Variants in DLGAP1 observed in about 807,000 individuals in gnomAD.
DLGAP1 encodes the protein disks large-associated protein 1.
In DLGAP1, 11 loss-of-function variants were observed where a neutral mutation model predicts 90.8. That is an observed-to-expected ratio of 0.12 (90% CI 0.08 to 0.20). DLGAP1 has a LOEUF of 0.20. DLGAP1 is among the 10% of genes least tolerant of loss of function. The pLI is 1.00. For missense variants in DLGAP1, 1,050 were observed against 1,333.8 expected (o/e 0.79, Z 3.31); for synonymous variants, 558 against 540.7 (o/e 1.03, Z -0.44).
chr18:4,392,690 T>C (rs1263378332), intron 1 of DLGAP1, among the ~76,000 whole-genome samples: 2 of 152,158 alleles, frequency 1.3e-5, no homozygotes, highest in African/African-American at 4.8e-5. Flanking sequence ...TGTAGGCCCA[T>C]GGATTTAAAC....
intron 7 of DLGAP1, among the ~76,000 whole-genome samples, chr18:3,726,116 A>G (rs1391571561): frequency 3.3e-5 from 5 of 152,236 alleles, no homozygotes; most frequent in African/African-American, 1.2e-4. Context: ...GGGTAAGTTT[A>G]GGAAAAACAA....
intron 7 of DLGAP1, among the ~76,000 whole-genome samples, chr18:3,593,563 G>GA (rs2056400568): frequency 1.3e-5 from 2 of 152,088 alleles, no homozygotes; most frequent in Non-Finnish European, 2.9e-5. Context: ...TTCTAAAGTA[G>GA]AAAAAAATAT....
chr18:3,524,773 A>G (rs541803068), intron 10 of DLGAP1, among the ~76,000 whole-genome samples: 68 of 152,290 alleles, frequency 4.5e-4, no homozygotes, highest in African/African-American at 1.6e-3. Context: ...GTGTGATTTC[A>G]TGGCATTGGG....
At chr18:3,995,779 T>C (rs934880554) in intron 3 of DLGAP1, 3 of 151,912 alleles carry the variant, frequency 2.0e-5, no homozygotes, top group African/African-American at 4.8e-5. Flanking sequence ...TTCATCAGTG[T>C]TTTGCTATAG....
At chr18:3,865,573 A>ATT (rs2070332913) in intron 4 of DLGAP1, among the ~76,000 whole-genome samples, 1 of 152,196 alleles carries the variant, frequency 6.6e-6, no homozygotes, top group African/African-American at 2.4e-5. Flanking sequence ...AATTGTTATT[A>ATT]AAAGAAATTC....
At chr18:4,110,393 T>C (rs117628293) in intron 2 of DLGAP1, among the ~76,000 whole-genome samples, 1,860 of 152,344 alleles carry the variant, frequency 0.012, 18 homozygotes, top group Non-Finnish European at 0.017. Flanking sequence ...GTCTATATCC[T>C]TGGTAATATG....
chr18:4,029,935 C>T (rs2074766336), intron 2 of DLGAP1, among the ~76,000 whole-genome samples: 1 of 152,160 alleles, frequency 6.6e-6, no homozygotes, highest in Admixed American at 6.5e-5. Flanking sequence ...CATTGATCAC[C>T]TTCTCACATT....
chr18:4,312,579 G>A (rs1271689109), intron 1 of DLGAP1, among the ~76,000 whole-genome samples: 1 of 152,128 alleles, frequency 6.6e-6, no homozygotes, highest in East Asian at 1.9e-4. Flanking sequence ...GGTTTACTGG[G>A]ATGTGATCCC....
At chr18:3,824,531 T>C (rs1361782539) in intron 4 of DLGAP1, among the ~76,000 whole-genome samples, 1 of 152,186 alleles carries the variant, frequency 6.6e-6, no homozygotes, top group Non-Finnish European at 1.5e-5. Context: ...ATCTCAAGTA[T>C]TAATACTTAA....
At chr18:4,439,920 C>T (rs976035125) in intron 1 of DLGAP1, among the ~76,000 whole-genome samples, 23 of 151,798 alleles carry the variant, frequency 1.5e-4, no homozygotes, top group Non-Finnish European at 5.9e-5. Flanking sequence ...AGATCGAGAC[C>T]ATCCTGGCTA....
chr18:4,244,125 C>T (rs538721383), intron 1 of DLGAP1, among the ~76,000 whole-genome samples: 1 of 152,128 alleles, frequency 6.6e-6, no homozygotes, highest in African/African-American at 2.4e-5. Context: ...TTATCTAATA[C>T]ATAGTCCATT....
intron 5 of DLGAP1, among the ~76,000 whole-genome samples, chr18:3,798,570 G>A (rs1289564100): frequency 1.3e-5 from 2 of 152,198 alleles, no homozygotes; most frequent in Non-Finnish European, 1.5e-5. Flanking sequence ...CATGGGACTT[G>A]GCACATGGAG....
At chr18:4,096,086 G>T (rs8094303) in intron 2 of DLGAP1, among the ~76,000 whole-genome samples, 51,202 of 152,050 alleles carry the variant, frequency 0.34, 9,022 homozygotes, top group African/African-American at 0.45. Flanking sequence ...AATGCAGTGT[G>T]GTGATCTCAG....
chr18:3,798,463 G>A (rs983330720), intron 5 of DLGAP1, among the ~76,000 whole-genome samples: 3 of 152,156 alleles, frequency 2.0e-5, no homozygotes, highest in Admixed American at 6.6e-5. Flanking sequence ...AAAGGCTACA[G>A]GCAGCTACAA....
At chr18:3,677,776 A>G (rs1050573073) in intron 7 of DLGAP1, among the ~76,000 whole-genome samples, 1 of 151,470 alleles carries the variant, frequency 6.6e-6, no homozygotes, top group African/African-American at 2.4e-5. Context: ...CTCCTGTCTC[A>G]GCCTCCCAAG....
intron 7 of DLGAP1, among the ~76,000 whole-genome samples, chr18:3,625,202 A>C (rs2058248018): frequency 6.6e-6 from 1 of 152,160 alleles, no homozygotes; most frequent in Non-Finnish European, 1.5e-5. Flanking sequence ...ACGACTGCCA[A>C]ATTCTATGAC....
chr18:3,754,723 CAAAAA>C (rs1161245616), intron 5 of DLGAP1, among the ~76,000 whole-genome samples: 1 of 58,764 alleles, frequency 1.7e-5, no homozygotes, highest in Non-Finnish European at 3.7e-5. Context: ...TACTAAAATA[CAAAAA>C]AAAAAAAAAA....
chr18:3,758,961 C>G (rs1038980688), intron 5 of DLGAP1, among the ~76,000 whole-genome samples: 1 of 152,046 alleles, frequency 6.6e-6, no homozygotes, highest in African/African-American at 2.4e-5. Flanking sequence ...ACCAATGTGC[C>G]CCATCCGAAG....
At chr18:3,927,752 T>C (rs1442365) in intron 3 of DLGAP1, among the ~76,000 whole-genome samples, 111,440 of 152,092 alleles carry the variant, frequency 0.73, 41,155 homozygotes, top group African/African-American at 0.83. Context: ...AATACCAACA[T>C]GTGAATTTAT....
Sources: allele counts gnomAD v4.1 joint callset (sites outside exome capture counted in the v4.1 genomes callset), GRCh38; gene constraint gnomAD v4.1.1; transcripts MANE v1.5; gene names NCBI Gene and HGNC (gene_info 2026-07-23, HGNC 2026-07-21).